MARCHF1: variants seen among roughly 807,000 people sequenced by gnomAD.
MARCHF1 encodes the protein membrane associated ring-CH-type finger 1, also known as E3 ubiquitin-protein ligase MARCHF1.
MARCHF1 carries 40 observed loss-of-function variants against 54.2 expected under a neutral mutation model. The observed-to-expected ratio is 0.74, with a 90% CI of 0.57 to 0.96. MARCHF1 has a LOEUF of 0.96. Ranked by LOEUF, MARCHF1 falls within the 40% of genes least tolerant of loss-of-function variation. The probability of loss-of-function intolerance (pLI) is 0.00; values close to 1 mark genes in which losing one functional copy is unlikely to be tolerated. For missense variants in MARCHF1, 586 were observed against 656.5 expected (o/e 0.89, Z 1.17); for synonymous variants, 236 against 236.3 (o/e 1.00, Z 0.01).
intron 1 of MARCHF1, among the ~76,000 whole-genome samples, chr4:164,152,917 C>CCCAAA (rs1729982247): frequency 6.6e-6 from 1 of 151,512 alleles, no homozygotes; most frequent in Non-Finnish European, 1.5e-5. Context: ...GTTCCGCCTT[C>CCCAAA]CCAAACCAAA....
intron 1 of MARCHF1, among the ~76,000 whole-genome samples, chr4:164,325,783 T>C (rs1735265066): frequency 1.3e-5 from 2 of 151,976 alleles, no homozygotes; most frequent in African/African-American, 2.4e-5. Flanking sequence ...CTAAATTGTA[T>C]AGAAATATGA....
chr4:163,990,152 A>G (rs1371803599), intron 2 of MARCHF1, among the ~76,000 whole-genome samples: 1 of 152,238 alleles, frequency 6.6e-6, no homozygotes, highest in East Asian at 1.9e-4. Context: ...AAATATTCAC[A>G]CTGAAATAAA....
At chr4:163,703,517 C>A (rs1579210176) in intron 4 of MARCHF1, among the ~76,000 whole-genome samples, 1 of 152,114 alleles carries the variant, frequency 6.6e-6, no homozygotes, top group Non-Finnish European at 1.5e-5. Context: ...TACCTCATTA[C>A]AATCAGTTTA....
intron 3 of MARCHF1, among the ~76,000 whole-genome samples, chr4:163,887,171 T>C (rs1750556094): frequency 6.6e-6 from 1 of 152,074 alleles, no homozygotes; most frequent in African/African-American, 2.4e-5. Context: ...TATTACACAT[T>C]GTGATAATGA....
chr4:163,788,483 C>T (rs1026860922), intron 4 of MARCHF1, among the ~76,000 whole-genome samples: 2 of 151,990 alleles, frequency 1.3e-5, no homozygotes, highest in Non-Finnish European at 2.9e-5. Flanking sequence ...AAGTTTCCTT[C>T]GTCTCCTCTG....
intron 4 of MARCHF1, among the ~76,000 whole-genome samples, chr4:163,711,946 TG>T (rs1423449062): frequency 6.6e-6 from 1 of 152,202 alleles, no homozygotes; most frequent in Non-Finnish European, 1.5e-5. Context: ...TTGCTATTTT[TG>T]TCACATTAAT....
At chr4:164,247,503 T>C (rs1001627449) in intron 1 of MARCHF1, among the ~76,000 whole-genome samples, 1 of 151,472 alleles carries the variant, frequency 6.6e-6, no homozygotes, top group African/African-American at 2.4e-5. Context: ...ATATACCTAA[T>C]GCTAGATGAC....
At chr4:164,163,788 A>C (rs1453874234) in intron 1 of MARCHF1, among the ~76,000 whole-genome samples, 1 of 151,916 alleles carries the variant, frequency 6.6e-6, no homozygotes, top group Non-Finnish European at 1.5e-5. Flanking sequence ...CAAACTATAC[A>C]TTTCTTTCAA....
At chr4:163,663,185 T>C (rs1326966436) in intron 5 of MARCHF1, among the ~76,000 whole-genome samples, 2 of 151,996 alleles carry the variant, frequency 1.3e-5, no homozygotes, top group Admixed American at 1.3e-4. Flanking sequence ...TTTTTCCTAG[T>C]GGATGCTTAC....
chr4:163,822,198 C>CT (rs936234749), intron 4 of MARCHF1, among the ~76,000 whole-genome samples: 2 of 151,526 alleles, frequency 1.3e-5, no homozygotes, highest in Non-Finnish European at 3.0e-5. Flanking sequence ...GGTTTGTATA[C>CT]TTTTTTTTAA....
intron 9 of MARCHF1, among the ~76,000 whole-genome samples, chr4:163,539,598 C>A (rs1039938478): frequency 6.6e-6 from 1 of 152,128 alleles, no homozygotes; most frequent in African/African-American, 2.4e-5. Flanking sequence ...TTTAGGGTGT[C>A]CCAGCTTGAC....
At chr4:164,221,749 C>T (rs1732119235) in intron 1 of MARCHF1, among the ~76,000 whole-genome samples, 1 of 151,930 alleles carries the variant, frequency 6.6e-6, no homozygotes, top group South Asian at 2.1e-4. Context: ...GCTGCTGCAC[C>T]TTGAAACACC....
chr4:163,918,820 C>T (rs1751365496), intron 3 of MARCHF1, among the ~76,000 whole-genome samples: 1 of 151,988 alleles, frequency 6.6e-6, no homozygotes, highest in African/African-American at 2.4e-5. Context: ...TCAATGTAAG[C>T]TCTGTGAGAA....
intron 3 of MARCHF1, among the ~76,000 whole-genome samples, chr4:163,904,571 G>C (rs924837060): frequency 6.6e-6 from 1 of 152,258 alleles, no homozygotes. Flanking sequence ...AGCACAGTTA[G>C]AGAAAATCCA....
intron 4 of MARCHF1, among the ~76,000 whole-genome samples, chr4:163,707,933 C>A (rs184727179): frequency 2.6e-5 from 4 of 152,040 alleles, no homozygotes; most frequent in Admixed American, 2.6e-4. Flanking sequence ...ATCTGACTCC[C>A]TACTAAGCTC....
intron 3 of MARCHF1, among the ~76,000 whole-genome samples, chr4:163,918,157 T>G (rs1751350389): frequency 1.3e-5 from 2 of 152,186 alleles, no homozygotes; most frequent in Non-Finnish European, 2.9e-5. Flanking sequence ...GGGAATCCTT[T>G]CACCATTGCT....
chr4:163,778,981 AAATAAAAAC>A (rs761868780), intron 4 of MARCHF1, among the ~76,000 whole-genome samples: 6 of 152,342 alleles, frequency 3.9e-5, no homozygotes, highest in Non-Finnish European at 7.3e-5. Context: ...ACACTTATAC[AAATAAAAAC>A]AATAAAAACA....
At chr4:163,902,246 C>T (rs1047746095) in intron 3 of MARCHF1, among the ~76,000 whole-genome samples, 1 of 152,130 alleles carries the variant, frequency 6.6e-6, no homozygotes, top group African/African-American at 2.4e-5. Flanking sequence ...GCTGTAGCAG[C>T]TGTAATATGC....
intron 7 of MARCHF1, among the ~76,000 whole-genome samples, chr4:163,591,149 A>G (rs1740580443): frequency 1.3e-5 from 2 of 152,022 alleles, no homozygotes; most frequent in Non-Finnish European, 2.9e-5. Context: ...GTCCCATTTT[A>G]CTGCATAACA....
Sources: allele counts gnomAD v4.1 joint callset (sites outside exome capture counted in the v4.1 genomes callset), GRCh38; gene constraint gnomAD v4.1.1; transcripts MANE v1.5; gene names NCBI Gene and HGNC (gene_info 2026-07-23, HGNC 2026-07-21).